RGS3: variants seen among roughly 807,000 people sequenced by gnomAD.
RGS3 encodes regulator of G-protein signalling 3.
A neutral mutation model predicts 132.6 loss-of-function variants in RGS3; 80 were observed. That is an observed-to-expected ratio of 0.60 (90% CI 0.50 to 0.73). The LOEUF (loss-of-function observed/expected upper bound fraction) is 0.73. Ranked by LOEUF, RGS3 falls within the 30% of genes least tolerant of loss-of-function variation. The probability of loss-of-function intolerance (pLI) is 0.00; values close to 1 mark genes in which losing one functional copy is unlikely to be tolerated. For synonymous variants in RGS3, 598 were observed against 620.6 expected (o/e 0.96, Z 0.54); for missense variants, 1,382 against 1,530.8 (o/e 0.90, Z 1.62).
Position 113,471,968 on chromosome 9 carries a change from G to T in RGS3, c.416-7523G>T, listed in dbSNP as rs56835404. ...GTAACCCAGCTCAAAAATGGGTAAA[G>T]GATTTGAATAGACATTTTTTTCCAA... is the stretch of plus-strand genomic sequence containing the variant. On this transcript the variant is annotated intron_variant, in intron 3 of 24. Transcript: ENST00000350696. Among the ~76,000 whole-genome samples, 414 of 152,270 alleles carry T rather than the reference G, an allele frequency of 2.7e-3. 2 individuals are homozygous for T. Among genetic ancestry groups the T allele is most frequent in the African/African-American group, 9.6e-3 (400 of 41,546 alleles).
At chr9:113,554,926 C>G (rs10981825) in intron 19 of RGS3, among the ~76,000 whole-genome samples, 18,175 of 152,066 alleles carry the variant, frequency 0.12, 1,307 homozygotes, top group African/African-American at 0.19. Flanking sequence ...TTTTATTCAG[C>G]TACTTTTATT....
chr9:113,596,571 A>G (rs1178848905), intron 24 of RGS3, among the ~76,000 whole-genome samples, 197 bp from the exon 23 acceptor site: 1 of 152,210 alleles, frequency 6.6e-6, no homozygotes, highest in African/African-American at 2.4e-5. Flanking sequence ...AGCCTTATAA[A>G]TGCTGCCAGC....
chr9:113,527,856 A>G (rs774007150), intron 17 of RGS3, among the ~76,000 whole-genome samples: 4 of 152,170 alleles, frequency 2.6e-5, no homozygotes, highest in East Asian at 1.9e-4. Context: ...TAAGGGTTCT[A>G]CCTTGAGCCC....
rs534868012 is a variant in RGS3, at chr9:113,468,895, A to G, written c.415+6694A>G. Among the ~76,000 whole-genome samples the G allele has an allele frequency of 3.9e-5, 6 of 152,294 alleles. No homozygotes were observed. The South Asian group carries it at 1.0e-3, about 26-fold the overall frequency. ...CTCTCTTTAGAAATGCCAGCCCCCT[A>G]TGAACCTACAAAATGAAAGCTGTCG... is the stretch of plus-strand genomic sequence containing the variant. On this transcript the variant is annotated intron_variant, in intron 3 of 24. Coordinates refer to ENST00000350696, the Ensembl canonical transcript of RGS3.
At chr9:113,486,855 C>T (rs1473601486) in intron 7 of RGS3, among the ~76,000 whole-genome samples, 1 of 152,202 alleles carries the variant, frequency 6.6e-6, no homozygotes, top group Non-Finnish European at 1.5e-5. Flanking sequence ...ATCCACTTTT[C>T]ATCCTAGGGT....
At chr9:113,583,779 G>A in exon 20 of RGS3, 1 of 1,614,112 alleles carries the variant, frequency 6.2e-7, no homozygotes. Flanking sequence ...AAGAACCCCT[G>A]CCTCACCAGG....
Position 113,569,639 on chromosome 9 carries a change from T to TTCCC in RGS3, c.2038-13807_2038-13804dup, listed in dbSNP as rs1445783236. 7.6e-4 allele frequency among the ~76,000 whole-genome samples: 112 copies of TTCCC among 146,542 alleles called. 2 individuals carry two copies. In the East Asian group the frequency reaches 0.02, roughly 26 times the overall value. On this transcript the variant is annotated intron_variant, in intron 19 of 24. Transcript: ENST00000350696. ...CTTCCTTCCTTCCTTCCTTCCTTCC[T>TTCCC]TCCCTCCTTCCTTCCATGTGTGTTA... is the stretch of plus-strand genomic sequence containing the variant.
At chr9:113,495,975 T>A in intron 8 of RGS3, 129 bp downstream of exon 6, 1 of 827,480 alleles carries the variant, frequency 1.2e-6, no homozygotes, top group Non-Finnish European at 2.1e-6. Flanking sequence ...ACAGGTGCCC[T>A]GTGGGGTGGC....
chr9:113,581,306 C>A (rs1834793960), intron 19 of RGS3: 1 of 152,262 alleles, frequency 6.6e-6, no homozygotes, highest in Admixed American at 6.5e-5. Flanking sequence ...CTCAGCCTTC[C>A]TGTCTACCCA....
At chr9:113,496,625 G>C (rs144810021) in intron 8 of RGS3, among the ~76,000 whole-genome samples, 2 of 151,474 alleles carry the variant, frequency 1.3e-5, no homozygotes, top group African/African-American at 2.4e-5. Context: ...ATCTTGGCTC[G>C]CTGCAACCTC....
chr9:113,532,930 G>T (rs1832531530), intron 18 of RGS3, among the ~76,000 whole-genome samples: 1 of 152,226 alleles, frequency 6.6e-6, no homozygotes, highest in South Asian at 2.1e-4. Flanking sequence ...TCTCCTGGAG[G>T]CTTTGCATTC....
At chr9:113,457,241 C>T (rs193285142), upstream of RGS3, among the ~76,000 whole-genome samples, 1 of 152,292 alleles carries the variant, frequency 6.6e-6, no homozygotes, top group Non-Finnish European at 1.5e-5. Context: ...ATGTTTTGTT[C>T]TTTCTGCCTG....
intron 18 of RGS3, 135 bp downstream of exon 16, chr9:113,529,399 A>C: frequency 3.9e-6 from 3 of 768,626 alleles, no homozygotes; most frequent in Non-Finnish European, 6.7e-6. Context: ...GGGCAAGGCC[A>C]GAGTAGCGGT....
chr9:113,584,335 G>T, exon 20 of RGS3: 1 of 1,597,090 alleles, frequency 6.3e-7, no homozygotes, highest in Non-Finnish European at 8.5e-7. Context: ...CTCCACCTGG[G>T]GCATGCCTTC....
In RGS3 at chr9:113,463,933, G is replaced by A. The variant is rs1829545445; in HGVS notation, c.415+1732G>A. On this transcript the variant is annotated intron_variant, in intron 3 of 24. Transcript: ENST00000350696. This position sits in a 1 kb window ranked among gnomAD's most constrained non-coding sequence, Gnocchi z 4.6. ...GGGGCTGCTTCACCCTGCTCCCAGC[G>A]CCCAGAAACGCAGCCCCTCGTGGTG... 5.7e-6 allele frequency: 9 copies of A among 1,587,808 alleles called. No individual in the cohort carries two copies. Among genetic ancestry groups the A allele is most frequent in the African/African-American group, 1.3e-5 (1 of 74,150 alleles).
exon 16 of RGS3, chr9:113,517,558 T>A (rs768999936): frequency 6.2e-7 from 1 of 1,613,430 alleles, no homozygotes; most frequent in South Asian, 1.1e-5. Context: ...ATCTCTGTAA[T>A]CCTGCCCGGA....
intron 19 of RGS3, among the ~76,000 whole-genome samples, chr9:113,572,875 C>G (rs9785298): frequency 9.2e-5 from 14 of 152,238 alleles, no homozygotes; most frequent in African/African-American, 3.4e-4. Context: ...GTTTCCCCCC[C>G]TGAAACCTGC....
At chr9:113,576,605 C>T (rs994106908) in intron 19 of RGS3, among the ~76,000 whole-genome samples, 2 of 152,196 alleles carry the variant, frequency 1.3e-5, no homozygotes, top group African/African-American at 4.8e-5. Context: ...GCTGGGATTA[C>T]AGGCGTGAGC....
chr9:113,467,668 T>A (rs536567592), intron 3 of RGS3, among the ~76,000 whole-genome samples: 1 of 152,204 alleles, frequency 6.6e-6, no homozygotes, highest in Admixed American at 6.5e-5. Flanking sequence ...TTTCTCTCTA[T>A]CTGTGGGTTT....
Sources: gnomAD v4.1 joint callset for allele counts (sites outside exome capture counted in the v4.1 genomes callset) on GRCh38, gnomAD v4.1.1 for gene constraint, Gnocchi (gnomAD v3.1) non-coding constraint, MANE v1.5 for transcripts, NCBI Gene and HGNC (gene_info 2026-07-23, HGNC 2026-07-21) for gene names.